The following TPST1 variants were observed in gnomAD, a reference collection of about 807,000 sequenced individuals.
TPST1 encodes the protein tyrosylprotein sulfotransferase 1, also known as protein-tyrosine sulfotransferase 1.
A neutral mutation model predicts 34.8 loss-of-function variants in TPST1; 20 were observed. The ratio of observed to expected loss-of-function variants is 0.57; its 90% confidence interval spans 0.40 to 0.84. TPST1 has a LOEUF of 0.84. TPST1 is among the 40% of genes least tolerant of loss of function. The pLI is 0.00. For synonymous variants in TPST1, 152 were observed against 159.4 expected, an observed-to-expected ratio of 0.95 and a Z score of 0.35; for missense variants, 353 against 455.5, an observed-to-expected ratio of 0.78 and a Z score of 2.05.
intron 2 of TPST1, among the ~76,000 whole-genome samples, chr7:66,241,917 C>A (rs1009691221): frequency 6.6e-6 from 1 of 152,206 alleles, no homozygotes; most frequent in Non-Finnish European, 1.5e-5. Flanking sequence ...CATTTTACTA[C>A]GTGTTGTGCT....
chr7:66,254,908 G>T (rs1790352244), intron 2 of TPST1, among the ~76,000 whole-genome samples: 1 of 152,078 alleles, frequency 6.6e-6, no homozygotes, highest in Non-Finnish European at 1.5e-5. Flanking sequence ...AGCACTTTGG[G>T]AGGCCAAGGC....
chr7:66,200,685 G>T (rs1392652455), upstream of TPST1, among the ~76,000 whole-genome samples: 1 of 152,082 alleles, frequency 6.6e-6, no homozygotes, highest in Non-Finnish European at 1.5e-5. Context: ...CTCCCAAAGT[G>T]CTGGGATTGC....
chr7:66,330,269 A>AG, intron 3 of TPST1, among the ~76,000 whole-genome samples: 1 of 152,316 alleles, frequency 6.6e-6, no homozygotes, highest in East Asian at 1.9e-4. Context: ...GTCCTCATAA[A>AG]GGAGAGGCAA....
intron 1 of TPST1, among the ~76,000 whole-genome samples, chr7:66,238,831 A>G (rs1789964837): frequency 6.6e-6 from 1 of 152,336 alleles, no homozygotes; most frequent in South Asian, 2.1e-4. Flanking sequence ...ATTTTGGTGT[A>G]CATGTAGTCT....
At position 66,255,264 on chromosome 7, in the gene TPST1, C is replaced by T. The variant is rs190655380; in HGVS notation, c.845+13994C>T. 3.1e-3 allele frequency among the ~76,000 whole-genome samples: 473 copies of T among 151,968 alleles called. 2 individuals carry two copies. Among genetic ancestry groups the T allele is most frequent in the Non-Finnish European group, 4.5e-3 (306 of 67,986 alleles). On this transcript the variant is annotated intron_variant, in intron 2 of 5. Coordinates refer to ENST00000304842, the MANE Select transcript of TPST1 (RefSeq NM_003596.4). ...AGTTGGGGAAGTGGAGGTGATACTG[C>T]TGGCCTCAAATAGAAAGAGGCCAGG...
chr7:66,351,438 TTATC>T (rs1187420863), intron 3 of TPST1, among the ~76,000 whole-genome samples: 1 of 152,180 alleles, frequency 6.6e-6, no homozygotes, highest in Non-Finnish European at 1.5e-5. Flanking sequence ...ATCGATATAT[TTATC>T]TATCCTTGTG....
chr7:66,263,989 A>G (rs958924867), intron 2 of TPST1, among the ~76,000 whole-genome samples: 13 of 152,168 alleles, frequency 8.5e-5, no homozygotes, highest in African/African-American at 2.2e-4. Flanking sequence ...TCCCTGTTCC[A>G]TGTGTCAGCT....
intron 3 of TPST1, among the ~76,000 whole-genome samples, chr7:66,349,099 G>T (rs1406712839): frequency 6.6e-6 from 1 of 152,214 alleles, no homozygotes; most frequent in South Asian, 2.1e-4. Flanking sequence ...TAAAGGCAAT[G>T]TGGGATGCAA....
intron 2 of TPST1, among the ~76,000 whole-genome samples, chr7:66,270,765 G>C (rs1193709404): frequency 6.6e-6 from 1 of 152,178 alleles, no homozygotes; most frequent in Non-Finnish European, 1.5e-5. Context: ...ATTGATCGCT[G>C]AGCCCAGAGG....
At chr7:66,212,842 C>T (rs545695193) in intron 1 of TPST1, among the ~76,000 whole-genome samples, 1 of 152,244 alleles carries the variant, frequency 6.6e-6, no homozygotes, top group East Asian at 1.9e-4. Context: ...ATTTTGTCAG[C>T]TGTTTCTTTT....
rs558910792 is a variant in TPST1, at chr7:66,243,645, C to A, written c.845+2375C>A. On this transcript the variant is annotated intron_variant, in intron 2 of 5. Transcript: ENST00000304842. ...TTTTTTTTTGTATTTTTGGTAGAGCCCCATGTTGGCCAGACTGGTCTCAAA... is the reference window on the plus strand; with the variant it reads ...TTTTTTTTTGTATTTTTGGTAGAGCACCATGTTGGCCAGACTGGTCTCAAA... Among the ~76,000 whole-genome samples the A allele has an allele frequency of 5.7e-4, 78 of 137,934 alleles. No homozygotes were observed. In the South Asian group the frequency reaches 6.1e-3, roughly 11 times the overall value. The allele number at this position is 137,934 out of a possible 152,430, so 90.5% of individuals were successfully genotyped here.
At chr7:66,278,675 T>C (rs2115869319) in intron 2 of TPST1, among the ~76,000 whole-genome samples, 1 of 151,652 alleles carries the variant, frequency 6.6e-6, no homozygotes, top group South Asian at 2.1e-4. Flanking sequence ...TCCCAGCTAC[T>C]GGGAGGCTGA....
At chr7:66,293,470 T>C (rs1381299102) in intron 3 of TPST1, among the ~76,000 whole-genome samples, 1 of 152,170 alleles carries the variant, frequency 6.6e-6, no homozygotes, top group Non-Finnish European at 1.5e-5. Context: ...GCCACTGTAC[T>C]GTAGCCTGGG....
At chr7:66,305,156 C>T (rs1791397008) in intron 3 of TPST1, among the ~76,000 whole-genome samples, 1 of 152,024 alleles carries the variant, frequency 6.6e-6, no homozygotes, top group Non-Finnish European at 1.5e-5. Flanking sequence ...TATTATTAGA[C>T]AGGGAAAAGT....
At chr7:66,328,011 C>CTTTTTTTTTTT (rs35582736) in intron 3 of TPST1, among the ~76,000 whole-genome samples, 1 of 39,512 alleles carries the variant, frequency 2.5e-5, no homozygotes, top group South Asian at 1.3e-3. Flanking sequence ...TTTTCCTTTC[C>CTTTTTTTTTTT]TTTTTTTTTT....
upstream of TPST1, among the ~76,000 whole-genome samples, chr7:66,201,017 C>G (rs1479923243): frequency 2.6e-5 from 4 of 152,106 alleles, no homozygotes; most frequent in African/African-American, 9.7e-5. Context: ...TGTGAGCCAC[C>G]ATACCTGGCT....
chr7:66,326,234 A>C (rs1219490148), intron 3 of TPST1, among the ~76,000 whole-genome samples: 1 of 152,076 alleles, frequency 6.6e-6, no homozygotes, highest in Non-Finnish European at 1.5e-5. Context: ...GATGATTAAG[A>C]CTCTACCTGT....
At chr7:66,265,042 T>C (rs899560621) in intron 2 of TPST1, among the ~76,000 whole-genome samples, 11 of 152,142 alleles carry the variant, frequency 7.2e-5, no homozygotes, top group African/African-American at 2.4e-4. Context: ...AAAATTTGCT[T>C]CTAGGGCCCA....
At chr7:66,314,778 G>A (rs1314016455) in intron 3 of TPST1, among the ~76,000 whole-genome samples, 1 of 152,158 alleles carries the variant, frequency 6.6e-6, no homozygotes, top group Non-Finnish European at 1.5e-5. Flanking sequence ...ATTGTAGGCA[G>A]TTGTAACACT....
Sources: gnomAD v4.1 joint callset for allele counts (sites outside exome capture counted in the v4.1 genomes callset) on GRCh38, gnomAD v4.1.1 for gene constraint, MANE v1.5 for transcripts, NCBI Gene and HGNC (gene_info 2026-07-23, HGNC 2026-07-21) for gene names.